Variants in SNCAIP observed in about 807,000 individuals in gnomAD.
The protein encoded by SNCAIP is synuclein alpha interacting protein.
A neutral mutation model predicts 86.7 loss-of-function variants in SNCAIP; 43 were observed. The ratio of observed to expected loss-of-function variants is 0.50; its 90% CI spans 0.39 to 0.64. The LOEUF (loss-of-function observed/expected upper bound fraction) is 0.64. Ranked by LOEUF, SNCAIP falls within the 30% of genes least tolerant of loss-of-function variation. The pLI is 0.00. For synonymous variants in SNCAIP, 417 were observed against 427.2 expected (o/e 0.98, Z 0.29); for missense variants, 981 against 1,103.1 (o/e 0.89, Z 1.57).
chr5:122,436,565 T>G (rs1388667005), intron 6 of SNCAIP: 11 of 152,190 alleles, frequency 7.2e-5, no homozygotes. Context: ...TTACAATACA[T>G]GAAATTATAA....
chr5:122,337,480 A>G (rs1756722126), intron 1 of SNCAIP, among the ~76,000 whole-genome samples: 1 of 151,962 alleles, frequency 6.6e-6, no homozygotes. Context: ...AAGTGATGCA[A>G]CTTCATTGCT....
Position 122,312,286 on chromosome 5 carries a change from T to C in SNCAIP, c.-47+2T>C, listed in dbSNP as rs1750731947. 6.7e-6 allele frequency: 1 copy of C among 149,674 alleles called. No individual in the cohort carries two copies. Among genetic ancestry groups the C allele is most frequent in the Non-Finnish European group, 1.5e-5 (1 of 67,366 alleles). The allele number at this position is 149,674 out of a possible 1,614,324, so 9.3% of individuals were successfully genotyped here. On this transcript the variant is annotated splice_donor_variant, in intron 1 of 10. Transcript: ENST00000261368. LOFTEE classifies it low-confidence loss of function (5UTR_SPLICE). ...CCGCCGGCGCGCCGGGCGCCCCGGG[T>C]GAGTCCAGGTCCCAAGCGGACGCCG... is the stretch of plus-strand genomic sequence containing the variant.
At chr5:122,418,916 T>A (rs1398446314) in intron 3 of SNCAIP, among the ~76,000 whole-genome samples, 2 of 152,138 alleles carry the variant, frequency 1.3e-5, no homozygotes, top group Non-Finnish European at 2.9e-5. Flanking sequence ...CAGGAAAACC[T>A]TGCAGAGACT....
intron 1 of SNCAIP, among the ~76,000 whole-genome samples, chr5:122,380,750 T>G (rs1351919390): frequency 6.6e-6 from 1 of 151,620 alleles, no homozygotes; most frequent in African/African-American, 2.4e-5. Context: ...GTCTTTGTTC[T>G]CGTTGGTTTC....
chr5:122,443,121 C>T (rs1781437377), intron 7 of SNCAIP, among the ~76,000 whole-genome samples: 1 of 152,124 alleles, frequency 6.6e-6, no homozygotes, highest in South Asian at 2.1e-4. Context: ...GTGGCAATGG[C>T]TTTGTGGTGA....
intron 5 of SNCAIP, among the ~76,000 whole-genome samples, chr5:122,429,384 G>A (rs189078958): frequency 8.2e-4 from 123 of 149,362 alleles, no homozygotes; most frequent in Non-Finnish European, 1.3e-3. Flanking sequence ...AATAGAGGAC[G>A]TCAATAAAAC....
At chr5:122,334,236 G>A (rs1433704729) in intron 1 of SNCAIP, among the ~76,000 whole-genome samples, 2 of 151,646 alleles carry the variant, frequency 1.3e-5, no homozygotes, top group African/African-American at 4.9e-5. Context: ...ATGACCCTGT[G>A]AGGTCAGAAT....
chr5:122,431,895 A>G (rs915798603), intron 5 of SNCAIP, 74 bp from the exon 6 acceptor site: 1 of 768,224 alleles, frequency 1.3e-6, no homozygotes, highest in Non-Finnish European at 2.3e-6. Context: ...CCTTGGTGAA[A>G]TTACCATCTT....
In SNCAIP at chr5:122,464,050, CA is replaced by C. The variant is rs1295592306; in HGVS notation, c.*555del. The C allele has an allele frequency of 6.6e-6, 1 of 152,270 alleles. No homozygotes were observed. Among genetic ancestry groups the C allele is most frequent in the Non-Finnish European group, 1.5e-5 (1 of 68,110 alleles). The allele number at this position is 152,270 out of a possible 1,614,324, so 9.4% of individuals were successfully genotyped here. A position where few individuals can be genotyped will look rare whatever the true frequency, so the allele number is the denominator to read the frequency against. On this transcript the variant is annotated 3_prime_UTR_variant, in exon 11 of 11. Transcript: ENST00000261368. ...TATAAAGGAAATAAAACAATGTTAA[CA>C]GCCACCTATAAGCTTGGGGCACCTA...
intron 1 of SNCAIP, among the ~76,000 whole-genome samples, chr5:122,358,305 A>G (rs933212157): frequency 1.3e-5 from 2 of 150,050 alleles, no homozygotes; most frequent in Non-Finnish European, 3.0e-5. Context: ...TGCTGCACCC[A>G]TTAACTCGTC....
intron 2 of SNCAIP, among the ~76,000 whole-genome samples, chr5:122,392,308 A>G (rs1354069461): frequency 1.3e-5 from 2 of 151,998 alleles, no homozygotes. Flanking sequence ...CTTCCAGACA[A>G]TTTTTATTAG....
At chr5:122,453,001 T>C in intron 10 of SNCAIP, 5 of 1,532,992 alleles carry the variant, frequency 3.3e-6, no homozygotes, top group Non-Finnish European at 4.4e-6. Context: ...ACACGGTACG[T>C]GGTGCTAGGA....
At position 122,372,177 on chromosome 5, in the gene SNCAIP, A is replaced by C. The variant is rs149676001; in HGVS notation, c.-46-18912A>C. On this transcript the variant is annotated intron_variant, in intron 1 of 10. Coordinates refer to ENST00000261368, the MANE Select transcript of SNCAIP (RefSeq NM_005460.4). ...GGCTGATCAATACCAAATACTGATCATACCTTTATGTAAATAAAACATCAG... is the reference window on the plus strand; with the variant it reads ...GGCTGATCAATACCAAATACTGATCCTACCTTTATGTAAATAAAACATCAG... Among the ~76,000 whole-genome samples the C allele has an allele frequency of 5.0e-3, 763 of 152,310 alleles. 10 individuals carry two copies. The highest frequency in any genetic ancestry group is 0.017 in the African/African-American group (709 of 41,574).
intron 3 of SNCAIP, among the ~76,000 whole-genome samples, chr5:122,417,477 G>A (rs1472537651): frequency 6.6e-6 from 1 of 152,180 alleles, no homozygotes; most frequent in Non-Finnish European, 1.5e-5. Flanking sequence ...ATAGATGAAA[G>A]TGTTTTAATA....
chr5:122,382,651 G>GT (rs1252936134), intron 1 of SNCAIP, among the ~76,000 whole-genome samples: 2 of 151,994 alleles, frequency 1.3e-5, no homozygotes, highest in African/African-American at 4.8e-5. Context: ...TTTCTGTTCT[G>GT]TTTTTTCCCC....
At chr5:122,447,421 A>G (rs759219794) in intron 8 of SNCAIP, among the ~76,000 whole-genome samples, 3 of 152,244 alleles carry the variant, frequency 2.0e-5, no homozygotes, top group Non-Finnish European at 4.4e-5. Flanking sequence ...GAGGGCTACT[A>G]TAGAATCCAG....
At chr5:122,348,290 CAT>C (rs1759032548) in intron 1 of SNCAIP, among the ~76,000 whole-genome samples, 1 of 152,024 alleles carries the variant, frequency 6.6e-6, no homozygotes, top group Non-Finnish European at 1.5e-5. Flanking sequence ...GGAAAAAAGA[CAT>C]ATAAAATAGC....
chr5:122,421,943 C>A (rs924023510), intron 3 of SNCAIP, among the ~76,000 whole-genome samples: 1 of 150,812 alleles, frequency 6.6e-6, no homozygotes, highest in Non-Finnish European at 1.5e-5. Context: ...TCTACTCTAT[C>A]GCAACCAGAC....
intron 1 of SNCAIP, among the ~76,000 whole-genome samples, chr5:122,380,119 CAG>C: frequency 6.6e-6 from 1 of 152,020 alleles, no homozygotes; most frequent in Admixed American, 6.6e-5. Flanking sequence ...GGAATGGTAC[CAG>C]CGCCTCCTTG....
Sources: gnomAD v4.1 joint callset for allele counts (sites outside exome capture counted in the v4.1 genomes callset) on GRCh38, gnomAD v4.1.1 for gene constraint, MANE v1.5 for transcripts, NCBI Gene and HGNC (gene_info 2026-07-23, HGNC 2026-07-21) for gene names.